CYBRD1: variants seen among roughly 807,000 people sequenced by gnomAD.
CYBRD1 encodes the protein plasma membrane ascorbate-dependent reductase CYBRD1.
In CYBRD1, 14 loss-of-function variants were observed where a neutral mutation model predicts 21.9. The ratio of observed to expected loss-of-function variants is 0.64; its 90% CI spans 0.42 to 1.00. CYBRD1 has a LOEUF of 1.00. Among genes scored for constraint, CYBRD1 ranks in the 50% least tolerant of loss-of-function variants. CYBRD1 has a pLI of 0.00. For missense variants in CYBRD1, 328 were observed against 352.5 expected, an observed-to-expected ratio of 0.93 and a Z score of 0.56; for synonymous variants, 146 against 136.5, an observed-to-expected ratio of 1.07 and a Z score of -0.48.
At chr2:171,531,114 C>CCACTG (rs1164984117) in intron 1 of CYBRD1, among the ~76,000 whole-genome samples, 7 of 148,284 alleles carry the variant, frequency 4.7e-5, no homozygotes, top group African/African-American at 1.8e-4. Context: ...CATGACCATG[C>CCACTG]CACTGCACTC....
In CYBRD1 at chr2:171,556,339, G is replaced by A. The variant is rs1367421882; in HGVS notation, c.*1512G>A. 6.6e-6 allele frequency: 1 copy of A among 152,118 alleles called. No individual in the cohort carries two copies. Among genetic ancestry groups the A allele is most frequent in the African/African-American group, 2.4e-5 (1 of 41,394 alleles). 9.4% of individuals were successfully genotyped at this position (152,118 alleles called of 1,614,324 possible). ...GGATATTTTGAGCTTTGGGTTCTCAGTAGTGAATTGAGACTTGGAGGTGAC... is the reference window on the plus strand; with the variant it reads ...GGATATTTTGAGCTTTGGGTTCTCAATAGTGAATTGAGACTTGGAGGTGAC... On this transcript the variant is annotated 3_prime_UTR_variant, in exon 4 of 4. Transcript: ENST00000321348.
chr2:171,553,436 G>A lies in CYBRD1; in HGVS notation c.493G>A (p.Val165Ile). The A allele has an allele frequency of 6.2e-7, 1 of 1,613,650 alleles. No individual in the cohort carries two copies. The highest frequency in any genetic ancestry group is 1.1e-5 in the South Asian group (1 of 91,056). The change falls in exon 3 of 4, where the codon GTC becomes ATC. Residue 165 changes from valine (V) to isoleucine (I), a missense_variant. Coordinates refer to ENST00000321348, the MANE Select transcript of CYBRD1 (RefSeq NM_024843.4). ...GCCCATACATGTTTATTCTGGAATT[G>A]TCATCTTTGGAACAGTGATTGCAAC... The part of the protein sequence containing the change: ...LMPIHVYSGI[V>I]IFGTVIATAL...
At chr2:171,542,408 C>A (rs1300352504) in intron 2 of CYBRD1, among the ~76,000 whole-genome samples, 1 of 151,870 alleles carries the variant, frequency 6.6e-6, no homozygotes, top group Non-Finnish European at 1.5e-5. Context: ...CCAGCATTTT[C>A]GAAGGCCGAG....
In CYBRD1 at chr2:171,557,758, G is replaced by A. The variant is rs980232703; in HGVS notation, c.*2931G>A. Reference sequence around the variant, plus strand: ...TTTTAATTAGATTCTTTCCCCTGCTGAGTTGGAAATTCCAGTGCAGCACTG... The same window carrying A: ...TTTTAATTAGATTCTTTCCCCTGCTAAGTTGGAAATTCCAGTGCAGCACTG... On this transcript the variant is annotated 3_prime_UTR_variant, in exon 4 of 4. Transcript: ENST00000321348. The A allele has an allele frequency of 6.6e-6, 1 of 152,178 alleles. No homozygotes were observed. Among genetic ancestry groups the A allele is most frequent in the Non-Finnish European group, 1.5e-5 (1 of 68,030 alleles). 9.4% of individuals were successfully genotyped at this position (152,178 alleles called of 1,614,324 possible).
Position 171,554,682 on chromosome 2 carries a change from G to A in CYBRD1, c.716G>A (p.Gly239Glu). The A allele has an allele frequency of 6.2e-7, 1 of 1,614,018 alleles. No individual in the cohort carries two copies. ...AATTCTACCATTCTTCATCCAAATG[G>A]AGGCACTGAACAGGGAGCAAGAGGT... ...EPNSTILHPN[G>E]GTEQGARGSM... The change falls in exon 4 of 4, where the codon GGA becomes GAA. Residue 239 changes from glycine to glutamate, a missense_variant. Coordinates refer to ENST00000321348, the MANE Select transcript of CYBRD1 (RefSeq NM_024843.4).
chr2:171,552,962 G>A lies in CYBRD1; in HGVS notation c.403-384G>A, dbSNP rs577322303. Among the ~76,000 whole-genome samples, 7 of 152,132 alleles carry A rather than the reference G, an allele frequency of 4.6e-5. No individual in the cohort carries two copies. The South Asian group carries it at 6.2e-4, about 14-fold the overall frequency. The stretch of plus-strand genomic sequence containing the variant: ...AAGTACCAGAATGTTCACTATAGTC[G>A]GATTAAGGATAGCAAAAACCAAACA... On this transcript the variant is annotated intron_variant, in intron 2 of 3. Coordinates refer to ENST00000321348, the MANE Select transcript of CYBRD1 (RefSeq NM_024843.4).
At chr2:171,547,208 A>G (rs899893600) in intron 2 of CYBRD1, among the ~76,000 whole-genome samples, 12 of 152,160 alleles carry the variant, frequency 7.9e-5, no homozygotes, top group Non-Finnish European at 1.0e-4. Context: ...TAAGCAAAAT[A>G]AAGTCTGAAA....
chr2:171,523,027 T>A (rs1307586255), intron 1 of CYBRD1: 6 of 459,732 alleles, frequency 1.3e-5, no homozygotes, highest in Non-Finnish European at 2.4e-5. Context: ...CCCCACTTGG[T>A]TAACTCTTTG....
At chr2:171,529,838 G>C (rs1463636767) in intron 1 of CYBRD1, among the ~76,000 whole-genome samples, 1 of 152,188 alleles carries the variant, frequency 6.6e-6, no homozygotes, top group Non-Finnish European at 1.5e-5. Flanking sequence ...ATCCCTGCAA[G>C]GGATAGGTAG....
chr2:171,548,106 GATTT>G (rs894829775), intron 2 of CYBRD1, among the ~76,000 whole-genome samples: 3 of 142,242 alleles, frequency 2.1e-5, no homozygotes, highest in Non-Finnish European at 4.6e-5. Flanking sequence ...GTGCTGGTTA[GATTT>G]ATTTATTTAT....
In CYBRD1 at chr2:171,554,843, G is replaced by A. The variant is rs1028859645; in HGVS notation, c.*16G>A. 6.2e-7 allele frequency: 1 copy of A among 1,612,028 alleles called. No homozygotes were observed. Among genetic ancestry groups the A allele is most frequent in the Admixed American group, 1.7e-5 (1 of 59,980 alleles). ...TACCATGTAAAATGTTGTAGAGATAGAGCCATATAACGTCACGTTTCAAAA... is the reference window on the plus strand; with the variant it reads ...TACCATGTAAAATGTTGTAGAGATAAAGCCATATAACGTCACGTTTCAAAA... On this transcript the variant is annotated 3_prime_UTR_variant, in exon 4 of 4. Coordinates refer to ENST00000321348, the MANE Select transcript of CYBRD1 (RefSeq NM_024843.4).
At chr2:171,546,555 C>T (rs1243507424) in intron 2 of CYBRD1, among the ~76,000 whole-genome samples, 3 of 152,080 alleles carry the variant, frequency 2.0e-5, no homozygotes, top group Non-Finnish European at 4.4e-5. Flanking sequence ...ACCGAATACC[C>T]GTTATATGCC....
In CYBRD1 at chr2:171,555,203, G is replaced by A; in HGVS notation, c.*376G>A. ...CATGCAGTCATTTCCTGTTAATTCT[G>A]GGAGACAATGATTTCACAACTAGCG... On this transcript the variant is annotated 3_prime_UTR_variant, in exon 4 of 4. Transcript: ENST00000321348. 3.7e-6 allele frequency: 1 copy of A among 273,788 alleles called. No individual in the cohort carries two copies. The highest frequency in any genetic ancestry group is 4.2e-5 in the South Asian group (1 of 23,842). The allele number at this position is 273,788 out of a possible 1,614,324, so 17.0% of individuals were successfully genotyped here. A position where few individuals can be genotyped will look rare whatever the true frequency, so the allele number is the denominator to read the frequency against.
chr2:171,522,511 CT>C lies in CYBRD1; in HGVS notation c.-33del. The stretch of plus-strand genomic sequence containing the variant: ...AGGGCTGCCGCCGCCTCTCCAAGTT[CT>C]TGTGGCCCCCGCGGTGCGGAGTATG... On this transcript the variant is annotated 5_prime_UTR_variant, in exon 1 of 4. Transcript: ENST00000321348. The surrounding 1 kb of genome is among the most constrained non-coding windows in gnomAD (Gnocchi z 4.3). The C allele has an allele frequency of 6.4e-7, 1 of 1,567,052 alleles. No individual in the cohort carries two copies. The highest frequency in any genetic ancestry group is 8.6e-7 in the Non-Finnish European group (1 of 1,156,952).
rs901555897 is a variant in CYBRD1 at position 171,554,689 on chromosome 2, T to C, written c.723T>C (p.Thr241=). The change falls in exon 4 of 4, where the codon ACT becomes ACC. Residue 241 remains threonine (T), a synonymous_variant. Coordinates refer to ENST00000321348, the MANE Select transcript of CYBRD1 (RefSeq NM_024843.4). ...NSTILHPNGG[T]EQGARGSMPA... ...CCATTCTTCATCCAAATGGAGGCAC[T>C]GAACAGGGAGCAAGAGGTTCCATGC... The C allele has an allele frequency of 1.2e-6, 2 of 1,613,964 alleles. No individual in the cohort carries two copies. Among genetic ancestry groups the C allele is most frequent in the African/African-American group, 2.7e-5 (2 of 74,930 alleles).
At chr2:171,534,979 T>A (rs1363473295) in intron 1 of CYBRD1, among the ~76,000 whole-genome samples, 2 of 152,144 alleles carry the variant, frequency 1.3e-5, no homozygotes, top group African/African-American at 4.8e-5. Context: ...AGGCAGAAGT[T>A]GCAGTGAGCC....
intron 1 of CYBRD1, among the ~76,000 whole-genome samples, chr2:171,540,429 TA>T (rs1697612815): frequency 6.6e-6 from 1 of 152,208 alleles, no homozygotes; most frequent in Admixed American, 6.5e-5. Context: ...TTGGTTACTA[TA>T]AATAGTACTG....
At position 171,556,049 on chromosome 2, in the gene CYBRD1, C is replaced by T. The variant is rs1683482129; in HGVS notation, c.*1222C>T. 1 of 152,234 alleles carries T rather than the reference C, an allele frequency of 6.6e-6. No individual in the cohort carries two copies. Among genetic ancestry groups the T allele is most frequent in the African/African-American group, 2.4e-5 (1 of 41,460 alleles). 9.4% of individuals were successfully genotyped at this position (152,234 alleles called of 1,614,324 possible). On this transcript the variant is annotated 3_prime_UTR_variant, in exon 4 of 4. Transcript: ENST00000321348. ...ACCAAGGAAAAGGGGCCACCCATACCTGGAAATAGGCCATAGGGCCCCTAC... is the reference window on the plus strand; with the variant it reads ...ACCAAGGAAAAGGGGCCACCCATACTTGGAAATAGGCCATAGGGCCCCTAC...
intron 1 of CYBRD1, among the ~76,000 whole-genome samples, chr2:171,533,356 A>G (rs1697498776): frequency 6.6e-6 from 1 of 152,196 alleles, no homozygotes; most frequent in African/African-American, 2.4e-5. Context: ...GCAAAGAGAG[A>G]GACTCTGTCT....
Sources: allele counts gnomAD v4.1 joint callset (sites outside exome capture counted in the v4.1 genomes callset), GRCh38; gene constraint gnomAD v4.1.1; non-coding constraint Gnocchi (gnomAD v3.1); transcripts MANE v1.5; gene names NCBI Gene and HGNC (gene_info 2026-07-23, HGNC 2026-07-21).